APPBP2: variants seen among roughly 807,000 people sequenced by gnomAD.
APPBP2 encodes the protein amyloid protein-binding protein 2.
Under a neutral mutation model 76.0 loss-of-function variants are expected in APPBP2, and 15 were observed. The ratio of observed to expected loss-of-function variants is 0.20; its 90% CI spans 0.13 to 0.30. The LOEUF (loss-of-function observed/expected upper bound fraction) is 0.30. Ranked by LOEUF, APPBP2 falls within the 10% of genes least tolerant of loss-of-function variation. The pLI is 1.00. For missense variants in APPBP2, 401 were observed against 687.2 expected (o/e 0.58, Z 4.66); for synonymous variants, 222 against 242.2 (o/e 0.92, Z 0.77).
intron 1 of APPBP2, among the ~76,000 whole-genome samples, chr17:60,506,045 G>T (rs1057498443): frequency 3.3e-5 from 5 of 151,044 alleles, no homozygotes; most frequent in Non-Finnish European, 7.4e-5. Flanking sequence ...GAGGGCAGTG[G>T]CATGATCATG....
At chr17:60,506,897 G>T (rs1402915933) in intron 1 of APPBP2, among the ~76,000 whole-genome samples, 2 of 152,164 alleles carry the variant, frequency 1.3e-5, no homozygotes, top group Non-Finnish European at 2.9e-5. Context: ...TTAGCTGGGC[G>T]TGGTGGCGGG....
At chr17:60,454,611 G>T (rs2090419242) in intron 10 of APPBP2, 119 bp from the exon 11 acceptor site, 9 of 608,160 alleles carry the variant, frequency 1.5e-5, no homozygotes, top group Non-Finnish European at 5.1e-6. Flanking sequence ...TGTGATTATG[G>T]TTTGGAACTG....
intron 3 of APPBP2, among the ~76,000 whole-genome samples, chr17:60,489,197 G>A (rs1180738579): frequency 6.6e-6 from 1 of 151,962 alleles, no homozygotes; most frequent in Non-Finnish European, 1.5e-5. Context: ...ACTCCAGCCT[G>A]GGCGACAGTA....
chr17:60,480,865 G>T (rs995549208), intron 3 of APPBP2, among the ~76,000 whole-genome samples: 3 of 152,124 alleles, frequency 2.0e-5, no homozygotes, highest in Admixed American at 6.5e-5. Context: ...GAAGAGCAAT[G>T]GACACTCTCC....
At chr17:60,471,090 C>T (rs2090549131) in intron 4 of APPBP2, among the ~76,000 whole-genome samples, 1 of 152,068 alleles carries the variant, frequency 6.6e-6, no homozygotes, top group South Asian at 2.1e-4. Flanking sequence ...AGCCACAGGG[C>T]CCGGCCTCAT....
chr17:60,505,676 G>GTTTTGTTTTTTTTTT (rs2090861147), intron 1 of APPBP2, among the ~76,000 whole-genome samples: 1 of 85,716 alleles, frequency 1.2e-5, no homozygotes, highest in African/African-American at 7.7e-5. Flanking sequence ...GACCCCTGCG[G>GTTTTGTTTTTTTTTT]TTTTTTTTTT....
intron 3 of APPBP2, among the ~76,000 whole-genome samples, chr17:60,484,031 G>A: frequency 6.6e-6 from 1 of 152,166 alleles, no homozygotes; most frequent in Admixed American, 6.5e-5. Context: ...TCAAAGATCA[G>A]ATGGTTGTAG....
intron 3 of APPBP2, among the ~76,000 whole-genome samples, chr17:60,488,842 C>T (rs970265496): frequency 6.6e-6 from 1 of 152,156 alleles, no homozygotes; most frequent in East Asian, 1.9e-4. Context: ...GGGATATCAT[C>T]CTTAACATTA....
intron 12 of APPBP2, among the ~76,000 whole-genome samples, chr17:60,451,575 G>A (rs2090395284): frequency 6.6e-6 from 1 of 152,166 alleles, no homozygotes; most frequent in Non-Finnish European, 1.5e-5. Context: ...CCAGGTTCAA[G>A]TGATTCTCCT....
intron 1 of APPBP2, among the ~76,000 whole-genome samples, chr17:60,511,377 G>A (rs2090911531): frequency 6.6e-6 from 1 of 152,056 alleles, no homozygotes; most frequent in African/African-American, 2.4e-5. Flanking sequence ...ATGAGGTCAG[G>A]AGATCGAGAC....
intron 2 of APPBP2, among the ~76,000 whole-genome samples, chr17:60,499,358 G>A (rs183385934): frequency 6.6e-6 from 1 of 151,278 alleles, no homozygotes; most frequent in Non-Finnish European, 1.5e-5. Context: ...ATGGAAAACA[G>A]TATGACAGTT....
intron 5 of APPBP2, among the ~76,000 whole-genome samples, chr17:60,464,514 T>C (rs1362547524): frequency 6.6e-6 from 1 of 152,228 alleles, no homozygotes; most frequent in Non-Finnish European, 1.5e-5. Flanking sequence ...TGTTATTTTA[T>C]GTCTGAATTG....
At chr17:60,491,419 A>AT (rs972725688) in intron 3 of APPBP2, among the ~76,000 whole-genome samples, 2 of 151,808 alleles carry the variant, frequency 1.3e-5, no homozygotes, top group African/African-American at 4.8e-5. Context: ...ATTTATTTTT[A>AT]TTTTTTTATT....
intron 2 of APPBP2, among the ~76,000 whole-genome samples, chr17:60,495,685 T>A (rs775480207): frequency 6.6e-6 from 1 of 151,942 alleles, no homozygotes; most frequent in Non-Finnish European, 1.5e-5. Flanking sequence ...GGAACCCTCA[T>A]ACATTGGCGG....
chr17:60,469,831 A>G (rs73326470), intron 4 of APPBP2, among the ~76,000 whole-genome samples: 12,512 of 152,252 alleles, frequency 0.082, 1,703 homozygotes, highest in African/African-American at 0.28. Context: ...AAATTCTGCT[A>G]TAAACACTAG....
chr17:60,521,769 C>A (rs1353806057), intron 1 of APPBP2, among the ~76,000 whole-genome samples: 1 of 150,788 alleles, frequency 6.6e-6, no homozygotes, highest in East Asian at 1.9e-4. Flanking sequence ...TTTCTTAAAA[C>A]ATTATGAGAT....
chr17:60,483,136 G>A (rs934532734), intron 3 of APPBP2, among the ~76,000 whole-genome samples: 6 of 152,102 alleles, frequency 3.9e-5, no homozygotes, highest in Non-Finnish European at 8.8e-5. Flanking sequence ...GGTGTGAGAT[G>A]GTATCTCACT....
chr17:60,511,664 T>A (rs1248600954), intron 1 of APPBP2, among the ~76,000 whole-genome samples: 1 of 151,970 alleles, frequency 6.6e-6, no homozygotes, highest in Non-Finnish European at 1.5e-5. Flanking sequence ...GATAACCAAC[T>A]GTAAAACACT....
intron 1 of APPBP2, among the ~76,000 whole-genome samples, chr17:60,508,609 TTAACTACCTGCCTAAAGAAGTC>T (rs1389721842): frequency 3.3e-5 from 5 of 151,950 alleles, no homozygotes; most frequent in South Asian, 2.1e-4. Flanking sequence ...GACCTGGAGA[TTAACTACCTGCCTAAAGAAGTC>T]TAACTACCTG....
Sources: gnomAD v4.1 joint callset for allele counts (sites outside exome capture counted in the v4.1 genomes callset) on GRCh38, gnomAD v4.1.1 for gene constraint, MANE v1.5 for transcripts, NCBI Gene and HGNC (gene_info 2026-07-23, HGNC 2026-07-21) for gene names.